The following TRAPPC13 variants were observed in gnomAD, a reference collection of about 807,000 sequenced individuals.
TRAPPC13 encodes trafficking protein particle complex subunit 13, also known as REV7-interacting novel NHEJ regulator 1.
TRAPPC13 carries 39 observed loss-of-function variants against 54.0 expected under a neutral mutation model. The observed-to-expected ratio is 0.72, with a 90% confidence interval of 0.56 to 0.94. TRAPPC13 has a LOEUF of 0.94. TRAPPC13 is among the 40% of genes least tolerant of loss of function. TRAPPC13 has a pLI of 0.00. For synonymous variants in TRAPPC13, 148 were observed against 167.7 expected (o/e 0.88, Z 0.91); for missense variants, 386 against 488.1 (o/e 0.79, Z 1.97).
At chr5:65,650,933 G>A in intron 6 of TRAPPC13, 51 bp downstream of exon 6, 1 of 1,288,060 alleles carries the variant, frequency 7.8e-7, no homozygotes, top group Non-Finnish European at 1.1e-6. Flanking sequence ...TTTCTTCCTG[G>A]TAGTATACAG....
chr5:65,657,213 C>T (rs1471514777), intron 8 of TRAPPC13, among the ~76,000 whole-genome samples: 1 of 151,314 alleles, frequency 6.6e-6, no homozygotes, highest in African/African-American at 2.4e-5. Flanking sequence ...GAAACCCTGT[C>T]TCTACTAAAA....
At chr5:65,644,076 T>G (rs1451920011) in intron 4 of TRAPPC13, among the ~76,000 whole-genome samples, 1 of 152,194 alleles carries the variant, frequency 6.6e-6, no homozygotes, top group Non-Finnish European at 1.5e-5. Flanking sequence ...TGCTACTCCT[T>G]TATTGCTCAG....
chr5:65,647,698 A>G lies in TRAPPC13; in HGVS notation c.428+516A>G, dbSNP rs527721029. On this transcript the variant is annotated intron_variant, in intron 5 of 12. Coordinates refer to ENST00000399438, the MANE Select transcript of TRAPPC13 (RefSeq NM_024941.4). ...TTTTTCTTTCAGTCTGAGAGGCAAT[A>G]TGAAAATTTTAGCCATCTGAAGTAA... 1.4e-4 allele frequency among the ~76,000 whole-genome samples: 21 copies of G among 152,154 alleles called. 1 individual carries two copies. The highest frequency in any genetic ancestry group is 4.3e-4 in the African/African-American group (18 of 41,540).
At position 65,658,452 on chromosome 5, in the gene TRAPPC13, A is replaced by G. The variant is rs1202707968; in HGVS notation, c.649A>G (p.Ile217Val). 3 of 1,588,952 alleles carry G rather than the reference A, an allele frequency of 1.9e-6. No homozygotes were observed. The highest frequency in any genetic ancestry group is 1.7e-6 in the Non-Finnish European group (2 of 1,165,968). ...GGAGAAGGTTTCACTGGAGCCATCT[A>G]TTATGTACAATGTAACAGAATTAAA... is the stretch of plus-strand genomic sequence containing the variant. ...FMEKVSLEPS[I>V]MYNVTELNSV... Residue 217 changes from isoleucine (I) to valine (V), a missense_variant, in exon 9 of 13, where the codon ATT (isoleucine) becomes GTT (valine). By Grantham distance (29) the Ile-to-Val change is conservative (BLOSUM62 3). Coordinates refer to ENST00000399438, the MANE Select transcript of TRAPPC13 (RefSeq NM_024941.4).
intron 4 of TRAPPC13, among the ~76,000 whole-genome samples, chr5:65,638,138 A>AG (rs1298824589): frequency 2.9e-4 from 43 of 149,806 alleles, no homozygotes; most frequent in African/African-American, 4.9e-4. Context: ...AAAAAAAAAG[A>AG]AAAAAAGGTT....
At chr5:65,650,924 T>C in intron 6 of TRAPPC13, 42 bp downstream of exon 6, 1 of 1,390,412 alleles carries the variant, frequency 7.2e-7, no homozygotes, top group Non-Finnish European at 1.0e-6. Context: ...ATATGCCTTT[T>C]TCTTCCTGGT....
intron 2 of TRAPPC13, 74 bp from the exon 3 acceptor site, chr5:65,635,870 C>T: frequency 1.1e-6 from 1 of 877,530 alleles, no homozygotes; most frequent in Non-Finnish European, 1.7e-6. Flanking sequence ...ATATCTCTCC[C>T]AGCTATTTCT....
At chr5:65,628,135 T>A (rs1755336414) in intron 1 of TRAPPC13, among the ~76,000 whole-genome samples, 1 of 152,216 alleles carries the variant, frequency 6.6e-6, no homozygotes, top group Admixed American at 6.5e-5. Context: ...GCTCCATTCT[T>A]GAGCCTATGC....
intron 7 of TRAPPC13, among the ~76,000 whole-genome samples, chr5:65,655,162 G>A (rs1254306139): frequency 1.3e-5 from 2 of 152,194 alleles, no homozygotes; most frequent in African/African-American, 4.8e-5. Context: ...ATTCCCTGAA[G>A]TGATCAACGG....
intron 1 of TRAPPC13, chr5:65,629,853 A>C: frequency 1.3e-6 from 2 of 1,536,078 alleles, no homozygotes; most frequent in Non-Finnish European, 1.7e-6. Context: ...TGCACAGTAG[A>C]TCTATTGGAG....
intron 1 of TRAPPC13, among the ~76,000 whole-genome samples, chr5:65,633,550 G>C (rs1755628412): frequency 6.6e-6 from 1 of 152,174 alleles, no homozygotes; most frequent in South Asian, 2.1e-4. Flanking sequence ...TTACAGGCAT[G>C]AGCCACTGTG....
intron 9 of TRAPPC13, among the ~76,000 whole-genome samples, chr5:65,660,108 T>C (rs957337623): frequency 1.4e-4 from 21 of 152,096 alleles, no homozygotes; most frequent in African/African-American, 5.1e-4. Flanking sequence ...CATAGCCTCT[T>C]TCATCCTCAC....
In TRAPPC13 at chr5:65,647,193, A is replaced by C; in HGVS notation, c.428+11A>C. 2.6e-6 allele frequency: 4 copies of C among 1,564,460 alleles called. No homozygotes were observed. Among genetic ancestry groups the C allele is most frequent in the Non-Finnish European group, 3.5e-6 (4 of 1,157,996 alleles). ...AATTGGAACACACATGTAAGGATTA[A>C]TTTTATTAGTTCTCAAAGGTTTTTA... On this transcript the variant is annotated intron_variant, in intron 5 of 12. Coordinates refer to ENST00000399438, the MANE Select transcript of TRAPPC13 (RefSeq NM_024941.4).
intron 4 of TRAPPC13, 136 bp from the exon 5 acceptor site, chr5:65,646,919 A>G: frequency 1.3e-6 from 1 of 795,664 alleles, no homozygotes; most frequent in East Asian, 2.8e-5. Flanking sequence ...AAAGGTTTAC[A>G]CATAAAAGTG....
At chr5:65,641,643 C>T (rs534913955) in intron 4 of TRAPPC13, among the ~76,000 whole-genome samples, 2 of 150,728 alleles carry the variant, frequency 1.3e-5, no homozygotes, top group Non-Finnish European at 3.0e-5. Context: ...CTCATGAATT[C>T]GAGGCTGCAG....
rs1201523667 is a variant in TRAPPC13 at position 65,628,584 on chromosome 5, C to T, written c.46+3478C>T. Among the ~76,000 whole-genome samples the T allele has an allele frequency of 3.3e-5, 5 of 151,574 alleles. No homozygotes were observed. The East Asian group carries it at 9.7e-4, about 29-fold the overall frequency. On this transcript the variant is annotated intron_variant, in intron 1 of 12. Coordinates refer to ENST00000399438, the MANE Select transcript of TRAPPC13 (RefSeq NM_024941.4). ...CCTCCCGGGTTCAAGCGATTCTCCT[C>T]CCTCAGCCTCCTGAGTAGCTGGGAT...
At chr5:65,657,057 A>G (rs1351375213) in intron 8 of TRAPPC13, among the ~76,000 whole-genome samples, 1 of 151,130 alleles carries the variant, frequency 6.6e-6, no homozygotes, top group East Asian at 2.0e-4. Flanking sequence ...ACTCTGGGCA[A>G]CAGAGCAAGA....
chr5:65,645,513 A>G (rs1413072603), intron 4 of TRAPPC13, among the ~76,000 whole-genome samples: 2 of 152,034 alleles, frequency 1.3e-5, no homozygotes, highest in Admixed American at 6.6e-5. Flanking sequence ...TAACTGCAAA[A>G]CTGTTTTTTA....
At chr5:65,656,508 A>C (rs1035531693) in intron 8 of TRAPPC13, among the ~76,000 whole-genome samples, 2 of 152,172 alleles carry the variant, frequency 1.3e-5, no homozygotes, top group Non-Finnish European at 1.5e-5. Context: ...ATTTGAACAC[A>C]TGTCCCAAAA....
Sources: allele counts gnomAD v4.1 joint callset (sites outside exome capture counted in the v4.1 genomes callset), GRCh38; gene constraint gnomAD v4.1.1; transcripts MANE v1.5; gene names NCBI Gene and HGNC (gene_info 2026-07-23, HGNC 2026-07-21).